Variants in PTPN4 observed in about 807,000 individuals in gnomAD.
PTPN4 encodes the protein protein tyrosine phosphatase non-receptor type 4, also known as tyrosine-protein phosphatase non-receptor type 4.
In PTPN4, 49 loss-of-function variants were observed where a neutral mutation model predicts 135.5. The ratio of observed to expected loss-of-function variants is 0.36; its 90% CI spans 0.29 to 0.46. The LOEUF (loss-of-function observed/expected upper bound fraction) is 0.46. PTPN4 is among the 20% of genes least tolerant of loss of function. The pLI is 1.00. For missense variants in PTPN4, 860 were observed against 1,101.0 expected, an observed-to-expected ratio of 0.78 and a Z score of 3.10; for synonymous variants, 333 against 369.9, an observed-to-expected ratio of 0.90 and a Z score of 1.14.
At chr2:119,781,178 C>G (rs988499959) in intron 1 of PTPN4, among the ~76,000 whole-genome samples, 2 of 152,178 alleles carry the variant, frequency 1.3e-5, no homozygotes, top group Non-Finnish European at 2.9e-5. Flanking sequence ...AGACATTTAG[C>G]CTCACCTTGT....
At chr2:119,919,546 C>T (rs1359893842) in intron 11 of PTPN4, among the ~76,000 whole-genome samples, 1 of 152,004 alleles carries the variant, frequency 6.6e-6, no homozygotes, top group Non-Finnish European at 1.5e-5. Context: ...TGAACAAGGC[C>T]AGCACGGGGG....
At chr2:119,796,386 T>G (rs1691260767) in intron 1 of PTPN4, among the ~76,000 whole-genome samples, 2 of 152,240 alleles carry the variant, frequency 1.3e-5, no homozygotes, top group South Asian at 4.1e-4. Context: ...CCCAGGGAAC[T>G]GCTGGTCTGC....
chr2:119,828,390 G>C (rs1386989132), intron 2 of PTPN4, among the ~76,000 whole-genome samples: 1 of 152,162 alleles, frequency 6.6e-6, no homozygotes, highest in African/African-American at 2.4e-5. Flanking sequence ...TAGCATTGTG[G>C]TGTATTTGCT....
At chr2:119,795,414 G>A (rs867207108) in intron 1 of PTPN4, among the ~76,000 whole-genome samples, 58 of 151,264 alleles carry the variant, frequency 3.8e-4, no homozygotes, top group African/African-American at 1.3e-3. Context: ...AGTGCTAAGC[G>A]GGCCTCACCC....
At chr2:119,896,460 C>T (rs1180264878) in intron 9 of PTPN4, among the ~76,000 whole-genome samples, 1 of 152,154 alleles carries the variant, frequency 6.6e-6, no homozygotes, top group South Asian at 2.1e-4. Context: ...TTGCTGTCCT[C>T]TCTATTTCCT....
At position 119,902,682 on chromosome 2, in the gene PTPN4, C is replaced by T. The variant is rs1023744711; in HGVS notation, c.764+1876C>T. On this transcript the variant is annotated intron_variant, in intron 10 of 26. Transcript: ENST00000263708. ...AAGGAGAGGGAAGCAAAGTAGCCAGCCTAGCCAGGATCACCTGAGAGCCAG... is the reference window on the plus strand; with the variant it reads ...AAGGAGAGGGAAGCAAAGTAGCCAGTCTAGCCAGGATCACCTGAGAGCCAG... Among the ~76,000 whole-genome samples, 3 of 152,172 alleles carry T rather than the reference C, an allele frequency of 2.0e-5. No individual in the cohort carries two copies. In the East Asian group the frequency reaches 5.8e-4, roughly 29 times the overall value.
chr2:119,925,168 A>T (rs1441971946), intron 12 of PTPN4, among the ~76,000 whole-genome samples: 5 of 152,126 alleles, frequency 3.3e-5, no homozygotes, highest in African/African-American at 4.8e-5. Flanking sequence ...GCTCTTTCTC[A>T]CTATACCCTA....
intron 2 of PTPN4, among the ~76,000 whole-genome samples, chr2:119,815,670 A>G (rs1676975337): frequency 6.6e-6 from 1 of 152,154 alleles, no homozygotes; most frequent in Non-Finnish European, 1.5e-5. Flanking sequence ...ATCCCACAGA[A>G]AATTGTAGTT....
intron 14 of PTPN4, among the ~76,000 whole-genome samples, chr2:119,933,710 A>C (rs1678941510): frequency 6.6e-6 from 1 of 152,074 alleles, no homozygotes; most frequent in Admixed American, 6.6e-5. Context: ...GAAGGCTATT[A>C]TCAGCTGAAG....
rs1281180322 is a variant in PTPN4, at chr2:119,935,567, C to T, written c.1355+609C>T. 4.0e-5 allele frequency among the ~76,000 whole-genome samples: 6 copies of T among 151,810 alleles called. No homozygotes were observed. In the East Asian group the frequency reaches 7.7e-4, roughly 20 times the overall value. On this transcript the variant is annotated intron_variant, in intron 15 of 26. Transcript: ENST00000263708. ...TCAAAACAAGTAGGAGTTCAGCCTG[C>T]GTGATGTATATCTTGGTAAAACATT... is the stretch of plus-strand genomic sequence containing the variant.
At position 119,955,144 on chromosome 2, in the gene PTPN4, T is replaced by A; in HGVS notation, c.1814-13T>A. 1 of 1,499,064 alleles carries A rather than the reference T, an allele frequency of 6.7e-7. No individual in the cohort carries two copies. Among genetic ancestry groups the A allele is most frequent in the Non-Finnish European group, 9.0e-7 (1 of 1,112,466 alleles). 92.9% of individuals were successfully genotyped at this position (1,499,064 alleles called of 1,614,324 possible). A position where few individuals can be genotyped will look rare whatever the true frequency, so the allele number is the denominator to read the frequency against. ...TTCCACGTTTTGGGGTTTGTTTGATTTTTTTTTTTTAGCTGTATATGATGT... is the reference window on the plus strand; with the variant it reads ...TTCCACGTTTTGGGGTTTGTTTGATATTTTTTTTTTAGCTGTATATGATGT... On this transcript the variant is annotated splice_polypyrimidine_tract_variant and intron_variant, in intron 19 of 26. Transcript: ENST00000263708.
intron 18 of PTPN4, 125 bp from the exon 19 acceptor site, chr2:119,951,848 A>C: frequency 2.7e-6 from 2 of 737,000 alleles, no homozygotes; most frequent in Non-Finnish European, 3.9e-6. Flanking sequence ...ATAGATAATA[A>C]ATGAAAGATG....
chr2:119,969,528 A>G (rs1679495308), intron 26 of PTPN4, among the ~76,000 whole-genome samples: 1 of 148,494 alleles, frequency 6.7e-6, no homozygotes, highest in Non-Finnish European at 1.5e-5. Flanking sequence ...CCGCAGTACA[A>G]TTATCAAGAA....
At position 119,934,925 on chromosome 2, in the gene PTPN4, C is replaced by T. The variant is rs780595024; in HGVS notation, c.1322C>T (p.Thr441Ile). 1 of 1,613,916 alleles carries T rather than the reference C, an allele frequency of 6.2e-7. No individual in the cohort carries two copies. The highest frequency in any genetic ancestry group is 1.1e-5 in the South Asian group (1 of 91,076). Reference sequence around the variant, plus strand: ...GTAAATCAGAGATCTCCGTCATCAACACAAGCTAATAGCATTGTTCTGGAA... The same window carrying T: ...GTAAATCAGAGATCTCCGTCATCAATACAAGCTAATAGCATTGTTCTGGAA... The part of the protein sequence containing the change: ...VFVNQRSPSS[T>I]QANSIVLESS... Residue 441 changes from threonine (T) to isoleucine (I), a missense_variant, in exon 15 of 27, where the codon ACA (threonine) becomes ATA (isoleucine). Thr to Ile is a moderately conservative substitution (Grantham distance 89). Around this residue, in one of 2 missense-constraint regions of PTPN4, gnomAD observed 684 missense variants for 807.0 expected, o/e 0.85. Coordinates refer to ENST00000263708, the MANE Select transcript of PTPN4 (RefSeq NM_002830.4).
At chr2:119,848,179 CT>C (rs560299244) in intron 2 of PTPN4, among the ~76,000 whole-genome samples, 119 of 138,684 alleles carry the variant, frequency 8.6e-4, no homozygotes, top group African/African-American at 1.2e-3. Flanking sequence ...TTTTCTTTTT[CT>C]TTTTTTTTTT....
At chr2:119,822,959 T>G (rs965374909) in intron 2 of PTPN4, among the ~76,000 whole-genome samples, 1 of 152,172 alleles carries the variant, frequency 6.6e-6, no homozygotes, top group Non-Finnish European at 1.5e-5. Flanking sequence ...GAAGTTTGCC[T>G]CTCCCCCCAT....
rs1379565222 is a variant in PTPN4 at position 119,858,656 on chromosome 2, C to CT, written c.139-3870dup. Among the ~76,000 whole-genome samples, 48 of 147,896 alleles carry CT rather than the reference C, an allele frequency of 3.2e-4. 1 individual carries two copies. In the East Asian group the frequency reaches 3.7e-3, roughly 12 times the overall value. On this transcript the variant is annotated intron_variant, in intron 2 of 26. Coordinates refer to ENST00000263708, the MANE Select transcript of PTPN4 (RefSeq NM_002830.4). ...TTTTCAGTCTGTTTTTTCTGTTGTTCTTTTTTTTTTGAGATGGAGTCTCGC... is the reference window on the plus strand; with the variant it reads ...TTTTCAGTCTGTTTTTTCTGTTGTTCTTTTTTTTTTTGAGATGGAGTCTCGC...
At chr2:119,898,424 G>A (rs565829628) in intron 9 of PTPN4, among the ~76,000 whole-genome samples, 1 of 152,254 alleles carries the variant, frequency 6.6e-6, no homozygotes, top group East Asian at 1.9e-4. Flanking sequence ...GAGATTAAAT[G>A]GGAATAGTTG....
intron 1 of PTPN4, among the ~76,000 whole-genome samples, chr2:119,806,870 C>G (rs1019834236): frequency 6.6e-6 from 1 of 152,172 alleles, no homozygotes; most frequent in Non-Finnish European, 1.5e-5. Flanking sequence ...GAAATCACAA[C>G]AAACTGTCTC....
Sources: gnomAD v4.1 joint callset for allele counts (sites outside exome capture counted in the v4.1 genomes callset) on GRCh38, gnomAD v4.1.1 for gene constraint, gnomAD v4.1.1 regional missense constraint, MANE v1.5 for transcripts, NCBI Gene and HGNC (gene_info 2026-07-23, HGNC 2026-07-21) for gene names.